The following DLGAP1 variants were observed in gnomAD, a reference collection of about 807,000 sequenced individuals.
DLGAP1 encodes the protein DLG associated protein 1.
DLGAP1 carries 11 observed loss-of-function variants against 90.8 expected under a neutral mutation model. The ratio of observed to expected loss-of-function variants is 0.12; its 90% CI spans 0.08 to 0.20. The LOEUF (loss-of-function observed/expected upper bound fraction) is 0.20. Among genes scored for constraint, DLGAP1 ranks in the 10% least tolerant of loss-of-function variants. The pLI is 1.00. For missense variants in DLGAP1, 1,050 were observed against 1,333.8 expected (o/e 0.79, Z 3.31); for synonymous variants, 558 against 540.7 (o/e 1.03, Z -0.44).
rs181848915 is a variant in DLGAP1 at position 3,502,103 on chromosome 18, G to T, written c.2724+390C>A. On this transcript the variant is annotated intron_variant, in intron 12 of 12. Transcript: ENST00000315677. ...TTTTTCAGGGCATCCTATTTTTCTT[G>T]AAAACACATCCTAGGGGTGTAAGGA... 5 of 1,007,636 alleles carry T rather than the reference G, an allele frequency of 5.0e-6. No homozygotes were observed. The East Asian group carries it at 3.7e-4, about 75-fold the overall frequency. 62.4% of individuals were successfully genotyped at this position (1,007,636 alleles called of 1,614,324 possible).
At chr18:4,248,074 C>T (rs952401747) in intron 1 of DLGAP1, among the ~76,000 whole-genome samples, 4 of 152,032 alleles carry the variant, frequency 2.6e-5, no homozygotes, top group African/African-American at 7.2e-5. Context: ...GTCAAAGTCA[C>T]CCCCAAATGG....
rs568028096 is a variant in DLGAP1 at position 3,728,285 on chromosome 18, T to C, written c.1591+850A>G. ...CCTAGTTAGACAGTGGGATTTTCTT[T>C]TTGGAACGCAAATGTTATATATATA... On this transcript the variant is annotated intron_variant, in intron 7 of 12. Coordinates refer to ENST00000315677, the MANE Select transcript of DLGAP1 (RefSeq NM_004746.4). Among the ~76,000 whole-genome samples the C allele has an allele frequency of 2.4e-4, 35 of 144,266 alleles. 2 individuals carry two copies. The South Asian group carries it at 6.7e-3, about 28-fold the overall frequency. The allele number at this position is 144,266 out of a possible 152,430, so 94.6% of individuals were successfully genotyped here.
At chr18:4,214,813 G>A (rs1477525871) in intron 1 of DLGAP1, among the ~76,000 whole-genome samples, 1 of 152,050 alleles carries the variant, frequency 6.6e-6, no homozygotes, top group Non-Finnish European at 1.5e-5. Flanking sequence ...TTCTATTCTG[G>A]AGAACAAAAT....
chr18:3,703,495 G>A (rs1174446535), intron 7 of DLGAP1, among the ~76,000 whole-genome samples: 1 of 152,232 alleles, frequency 6.6e-6, no homozygotes, highest in African/African-American at 2.4e-5. Context: ...GCACGAAAGT[G>A]CAGTGGCCCT....
intron 5 of DLGAP1, among the ~76,000 whole-genome samples, chr18:3,748,749 A>G (rs1418989180): frequency 2.0e-5 from 3 of 152,190 alleles, no homozygotes; most frequent in Non-Finnish European, 2.9e-5. Flanking sequence ...GGTGTGGACA[A>G]TGGTACTTAG....
At chr18:4,101,347 TATTG>T (rs1297857353) in intron 2 of DLGAP1, among the ~76,000 whole-genome samples, 3 of 152,246 alleles carry the variant, frequency 2.0e-5, no homozygotes, top group South Asian at 2.1e-4. Flanking sequence ...CACACACACT[TATTG>T]ATTAAGTTTG....
chr18:3,748,484 T>C (rs757035451), intron 5 of DLGAP1, among the ~76,000 whole-genome samples: 1 of 152,272 alleles, frequency 6.6e-6, no homozygotes, highest in Non-Finnish European at 1.5e-5. Context: ...TTGGAGGTGA[T>C]GGACCATCTT....
Position 3,918,043 on chromosome 18 carries a change from T to C in DLGAP1, c.-72-37903A>G, listed in dbSNP as rs967195466. 2.0e-5 allele frequency among the ~76,000 whole-genome samples: 3 copies of C among 152,212 alleles called. No individual in the cohort carries two copies. In the South Asian group the frequency reaches 6.2e-4, roughly 31 times the overall value. ...GTACTAAAAAGAAAGGAATCAGTTTTACAAGTTTCCTTAAATCTGACAATG... is the reference window on the plus strand; with the variant it reads ...GTACTAAAAAGAAAGGAATCAGTTTCACAAGTTTCCTTAAATCTGACAATG... On this transcript the variant is annotated intron_variant, in intron 3 of 12. Coordinates refer to ENST00000315677, the MANE Select transcript of DLGAP1 (RefSeq NM_004746.4).
intron 1 of DLGAP1, among the ~76,000 whole-genome samples, chr18:4,415,700 G>C (rs1323529637): frequency 6.6e-6 from 1 of 152,076 alleles, no homozygotes; most frequent in African/African-American, 2.4e-5. Flanking sequence ...TCACTTACTA[G>C]CTTTATGTCT....
At chr18:3,531,919 A>G (rs2052031852) in intron 10 of DLGAP1, among the ~76,000 whole-genome samples, 2 of 152,104 alleles carry the variant, frequency 1.3e-5, no homozygotes, top group Admixed American at 1.3e-4. Flanking sequence ...GCAGTGGCAC[A>G]GTCTCAGCTT....
At chr18:3,651,309 A>C (rs1347787534) in intron 7 of DLGAP1, among the ~76,000 whole-genome samples, 2 of 152,122 alleles carry the variant, frequency 1.3e-5, no homozygotes, top group African/African-American at 4.8e-5. Flanking sequence ...CAGGGAGCCG[A>C]CAATGTGCCG....
At chr18:4,382,487 CTTTTTTTTTT>C (rs3044414) in intron 1 of DLGAP1, among the ~76,000 whole-genome samples, 1 of 140,808 alleles carries the variant, frequency 7.1e-6, no homozygotes, top group Non-Finnish European at 1.5e-5. Flanking sequence ...CAGCATTATG[CTTTTTTTTTT>C]TTTTTTTAAG....
chr18:4,329,710 G>T (rs139132528), intron 1 of DLGAP1, among the ~76,000 whole-genome samples: 1 of 151,844 alleles, frequency 6.6e-6, no homozygotes, highest in African/African-American at 2.4e-5. Flanking sequence ...AACATGGGTT[G>T]CATTTATTTC....
At chr18:4,391,949 C>T (rs554621522) in intron 1 of DLGAP1, among the ~76,000 whole-genome samples, 19 of 152,218 alleles carry the variant, frequency 1.2e-4, no homozygotes, top group African/African-American at 3.1e-4. Flanking sequence ...ACTACAAAGG[C>T]GATTGAGGTA....
chr18:4,392,951 C>G (rs868279544), intron 1 of DLGAP1, among the ~76,000 whole-genome samples: 1 of 145,144 alleles, frequency 6.9e-6, no homozygotes, highest in African/African-American at 2.8e-5. Flanking sequence ...ATGCCTTATA[C>G]GTAATCCATC....
At chr18:3,554,343 C>T (rs1026476590) in intron 9 of DLGAP1, among the ~76,000 whole-genome samples, 1 of 152,104 alleles carries the variant, frequency 6.6e-6, no homozygotes, top group Non-Finnish European at 1.5e-5. Flanking sequence ...TCCTATAGAG[C>T]GGTACCACTA....
chr18:3,662,956 T>C (rs768900322), intron 7 of DLGAP1, among the ~76,000 whole-genome samples: 2 of 152,164 alleles, frequency 1.3e-5, no homozygotes, highest in Non-Finnish European at 2.9e-5. Flanking sequence ...CATCAGCAAC[T>C]GAACCTTATT....
intron 10 of DLGAP1, among the ~76,000 whole-genome samples, chr18:3,514,109 C>T (rs1377787798): frequency 1.4e-5 from 2 of 145,554 alleles, no homozygotes. Context: ...CTGACTGCTT[C>T]TTTTTTTTTT....
intron 3 of DLGAP1, among the ~76,000 whole-genome samples, chr18:3,911,709 AT>A (rs1481573930): frequency 2.0e-5 from 3 of 152,218 alleles, no homozygotes; most frequent in Admixed American, 6.5e-5. Flanking sequence ...TTTGTGAACT[AT>A]TTAGCAGGAA....
Sources: gnomAD v4.1 joint callset for allele counts (sites outside exome capture counted in the v4.1 genomes callset) on GRCh38, gnomAD v4.1.1 for gene constraint, MANE v1.5 for transcripts, NCBI Gene and HGNC (gene_info 2026-07-23, HGNC 2026-07-21) for gene names.